Variants in TSPAN9 observed in about 807,000 individuals in gnomAD.
TSPAN9 encodes tetraspanin 9, also known as tetraspanin-9.
In TSPAN9, 16 loss-of-function variants were observed where a neutral mutation model predicts 31.0. That is an observed-to-expected ratio of 0.52 (90% CI 0.35 to 0.78). The LOEUF (loss-of-function observed/expected upper bound fraction) is 0.78, where lower values mean the gene tolerates loss of function less well. Ranked by LOEUF, TSPAN9 falls within the 30% of genes least tolerant of loss-of-function variation. The probability of loss-of-function intolerance (pLI) is 0.01; values close to 1 mark genes in which losing one functional copy is unlikely to be tolerated. For synonymous variants in TSPAN9, 145 were observed against 121.6 expected (o/e 1.19, Z -1.27); for missense variants, 272 against 312.5 (o/e 0.87, Z 0.98).
chr12:3,081,358 T>C (rs553113491), intron 1 of TSPAN9, among the ~76,000 whole-genome samples: 73 of 152,296 alleles, frequency 4.8e-4, no homozygotes, highest in Middle Eastern at 6.8e-3. Context: ...TCTAGCCTTA[T>C]CGCCACTCTC....
chr12:3,214,675 C>CG (rs1284237562), intron 3 of TSPAN9, among the ~76,000 whole-genome samples: 1 of 152,052 alleles, frequency 6.6e-6, no homozygotes, highest in Non-Finnish European at 1.5e-5. Flanking sequence ...CGCCCTCCCC[C>CG]CTGCAGGGGA....
At chr12:3,088,552 C>G in intron 2 of TSPAN9, among the ~76,000 whole-genome samples, 1 of 152,218 alleles carries the variant, frequency 6.6e-6, no homozygotes, top group East Asian at 1.9e-4. Context: ...AGCCTGCCCC[C>G]ACTGTTGGCC....
At chr12:3,224,582 C>T (rs1440344826) in intron 3 of TSPAN9, among the ~76,000 whole-genome samples, 1 of 152,192 alleles carries the variant, frequency 6.6e-6, no homozygotes, top group Non-Finnish European at 1.5e-5. Context: ...CTGGGAGAAG[C>T]GACCCCTGGA....
chr12:3,094,995 T>C (rs1269401860), intron 2 of TSPAN9, among the ~76,000 whole-genome samples: 1 of 110,538 alleles, frequency 9.0e-6, no homozygotes, highest in Non-Finnish European at 1.8e-5. Flanking sequence ...GTCTCTGGTT[T>C]TCCTAGGCAG....
At chr12:3,152,599 T>C (rs957117819) in intron 2 of TSPAN9, among the ~76,000 whole-genome samples, 1 of 152,168 alleles carries the variant, frequency 6.6e-6, no homozygotes, top group Non-Finnish European at 1.5e-5. Flanking sequence ...TTTTCTTTCT[T>C]TTTTGAGACG....
chr12:3,199,371 G>A (rs762073998), intron 2 of TSPAN9, among the ~76,000 whole-genome samples: 2 of 152,222 alleles, frequency 1.3e-5, no homozygotes, highest in African/African-American at 2.4e-5. Context: ...CTCCCCACCC[G>A]CAAGTCTTCT....
chr12:3,140,324 A>T (rs1400062141), intron 2 of TSPAN9, among the ~76,000 whole-genome samples: 2 of 152,134 alleles, frequency 1.3e-5, no homozygotes, highest in Non-Finnish European at 2.9e-5. Context: ...TTTTTAGTCG[A>T]CACTGAAGGA....
chr12:3,244,607 G>A (rs894075605), intron 3 of TSPAN9, among the ~76,000 whole-genome samples: 16 of 152,182 alleles, frequency 1.1e-4, no homozygotes, highest in South Asian at 6.2e-4. Flanking sequence ...CGGACCACGC[G>A]CTGCAGGCAG....
intron 2 of TSPAN9, among the ~76,000 whole-genome samples, chr12:3,175,038 C>T (rs530934078): frequency 5.3e-5 from 8 of 152,228 alleles, no homozygotes; most frequent in African/African-American, 1.7e-4. Context: ...GGCTTTTGTC[C>T]GCAGCTCTGC....
intron 2 of TSPAN9, among the ~76,000 whole-genome samples, chr12:3,091,805 C>G (rs2098304828): frequency 6.6e-6 from 1 of 152,202 alleles, no homozygotes; most frequent in Admixed American, 6.5e-5. Flanking sequence ...ACCTCCACAA[C>G]TCCGCCTCTG....
At chr12:3,265,950 T>A (rs1862528589) in intron 3 of TSPAN9, among the ~76,000 whole-genome samples, 1 of 152,186 alleles carries the variant, frequency 6.6e-6, no homozygotes, top group South Asian at 2.1e-4. Flanking sequence ...GTATGGCATT[T>A]GTGGAAAGGG....
intron 2 of TSPAN9, among the ~76,000 whole-genome samples, chr12:3,164,913 G>T (rs1462744968): frequency 6.6e-6 from 1 of 152,142 alleles, no homozygotes; most frequent in Non-Finnish European, 1.5e-5. Flanking sequence ...TGTGACCTTG[G>T]GATAATCCCT....
intron 2 of TSPAN9, among the ~76,000 whole-genome samples, chr12:3,157,078 C>A (rs926307922): frequency 6.6e-6 from 1 of 151,914 alleles, no homozygotes; most frequent in Non-Finnish European, 1.5e-5. Context: ...TTATTATTTC[C>A]ACTTAATTCA....
intron 3 of TSPAN9, among the ~76,000 whole-genome samples, chr12:3,206,107 C>G (rs1286780013): frequency 1.3e-5 from 2 of 152,186 alleles, no homozygotes; most frequent in African/African-American, 4.8e-5. Context: ...GTGAAGAGCA[C>G]AGAAAACACC....
chr12:3,099,920 C>A (rs544438263), intron 2 of TSPAN9, among the ~76,000 whole-genome samples: 2 of 150,270 alleles, frequency 1.3e-5, no homozygotes, highest in East Asian at 4.0e-4. Flanking sequence ...CAGCTCACTG[C>A]AAGCTCTGCC....
chr12:3,156,208 C>G (rs938118990), intron 2 of TSPAN9, among the ~76,000 whole-genome samples: 1 of 152,094 alleles, frequency 6.6e-6, no homozygotes, highest in Non-Finnish European at 1.5e-5. Context: ...TTTGATGATT[C>G]CCTGAGAGGA....
chr12:3,231,809 C>T lies in TSPAN9; in HGVS notation c.63+30553C>T, dbSNP rs542677332. 2.0e-5 allele frequency among the ~76,000 whole-genome samples: 3 copies of T among 152,378 alleles called. No individual in the cohort carries two copies. In the East Asian group the frequency reaches 5.8e-4, roughly 29 times the overall value. The stretch of plus-strand genomic sequence containing the variant: ...GTCTGGCCTCCAGGATTCCTCCCAC[C>T]TCTGCCTTTTCACCCGCTGTCGCGT... On this transcript the variant is annotated intron_variant, in intron 3 of 8. Transcript: ENST00000011898.
rs533707270 is a variant in TSPAN9 at position 3,200,889 on chromosome 12, C to A, written c.-17-288C>A. On this transcript the variant is annotated intron_variant, in intron 2 of 8. Coordinates refer to ENST00000011898, the MANE Select transcript of TSPAN9 (RefSeq NM_006675.5). ...GTCCCATTCTGGGAGCGATGCCCCC[C>A]GCTCCTCGCACCCCCCGGGAACGCC... The A allele has an allele frequency of 7.3e-5, 25 of 342,270 alleles. 1 individual carries two copies. The highest frequency in any genetic ancestry group is 4.8e-4 in the African/African-American group (22 of 45,386). The allele number at this position is 342,270 out of a possible 1,614,324, so 21.2% of individuals were successfully genotyped here.
At chr12:3,226,571 G>A (rs2098387231) in intron 3 of TSPAN9, among the ~76,000 whole-genome samples, 2 of 150,478 alleles carry the variant, frequency 1.3e-5, no homozygotes, top group South Asian at 2.1e-4. Flanking sequence ...GGCTGAGGCA[G>A]AAGGATTGCT....
Sources: allele counts gnomAD v4.1 joint callset (sites outside exome capture counted in the v4.1 genomes callset), GRCh38; gene constraint gnomAD v4.1.1; transcripts MANE v1.5; gene names NCBI Gene and HGNC (gene_info 2026-07-23, HGNC 2026-07-21).